The following CPNE3 variants were observed in gnomAD, a reference collection of about 807,000 sequenced individuals.
The protein encoded by CPNE3 is copine-3.
A neutral mutation model predicts 63.9 loss-of-function variants in CPNE3; 68 were observed. That is an observed-to-expected ratio of 1.06 (90% CI 0.87 to 1.30). The LOEUF (loss-of-function observed/expected upper bound fraction) is 1.30, where lower values mean the gene tolerates loss of function less well. Among genes scored for constraint, CPNE3 ranks in the 50% most tolerant of loss-of-function variants. The probability of loss-of-function intolerance (pLI) is 0.00; values close to 1 mark genes in which losing one functional copy is unlikely to be tolerated. For synonymous variants in CPNE3, 219 were observed against 197.5 expected, an observed-to-expected ratio of 1.11 and a Z score of -0.91; for missense variants, 665 against 578.1, an observed-to-expected ratio of 1.15 and a Z score of -1.54.
Position 86,528,766 on chromosome 8 carries a change from A to G in CPNE3, c.132+89A>G, listed in dbSNP as rs899929799. 4 of 1,458,056 alleles carry G rather than the reference A, an allele frequency of 2.7e-6. No homozygotes were observed. In the Admixed American group the frequency reaches 1.0e-4, roughly 37 times the overall value. 90.3% of individuals were successfully genotyped at this position (1,458,056 alleles called of 1,614,324 possible). A position where few individuals can be genotyped will look rare whatever the true frequency, so the allele number is the denominator to read the frequency against. On this transcript the variant is annotated intron_variant, in intron 3 of 16. Transcript: ENST00000517490. ...TTTTAATGTTAAAAATAACAACACTATCTCATCTGTTAATGGAGTTTTTTG... is the reference window on the plus strand; with the variant it reads ...TTTTAATGTTAAAAATAACAACACTGTCTCATCTGTTAATGGAGTTTTTTG...
At chr8:86,545,085 G>C in intron 9 of CPNE3, 1 of 257,076 alleles carries the variant, frequency 3.9e-6, no homozygotes, top group Non-Finnish European at 7.3e-6. Context: ...GGACAGCAAA[G>C]ATGATCACAG....
intron 6 of CPNE3, 73 bp downstream of exon 6, chr8:86,532,653 A>C: frequency 3.1e-6 from 4 of 1,293,902 alleles, no homozygotes; most frequent in Admixed American, 1.9e-5. Flanking sequence ...AAATGCAGTT[A>C]ATATCATGAA....
chr8:86,519,943 C>A (rs1820395461), intron 2 of CPNE3, among the ~76,000 whole-genome samples: 2 of 152,184 alleles, frequency 1.3e-5, no homozygotes, highest in African/African-American at 4.8e-5. Context: ...AACTACTGAC[C>A]TCAGACCATC....
chr8:86,524,137 G>A (rs979068358), intron 2 of CPNE3, among the ~76,000 whole-genome samples: 9 of 152,276 alleles, frequency 5.9e-5, no homozygotes, highest in South Asian at 2.1e-4. Context: ...ATGGGAAAGC[G>A]GCTGTATCTC....
intron 2 of CPNE3, among the ~76,000 whole-genome samples, chr8:86,516,593 T>G (rs1400787334): frequency 6.6e-6 from 1 of 152,190 alleles, no homozygotes; most frequent in African/African-American, 2.4e-5. Flanking sequence ...TCTTACTATG[T>G]TGCCCAGGCT....
intron 2 of CPNE3, among the ~76,000 whole-genome samples, chr8:86,526,300 A>G (rs1820538977): frequency 6.6e-6 from 1 of 152,064 alleles, no homozygotes; most frequent in Non-Finnish European, 1.5e-5. Flanking sequence ...ATCTGTTACT[A>G]TTAGTGCAAT....
At chr8:86,528,740 T>A in intron 3 of CPNE3, 63 bp downstream of exon 3, 1 of 1,525,132 alleles carries the variant, frequency 6.6e-7, no homozygotes, top group Non-Finnish European at 8.8e-7. Context: ...GTGAAGAGTT[T>A]TTTTAATGTT....
rs1821415578 is a variant in CPNE3, at chr8:86,560,510, C to G, written c.*2100C>G. ...ATGAGCATTCCTGGTTTTCTTCAGC[C>G]AAATAACAGGTAATCACTGTCAATT... is the stretch of plus-strand genomic sequence containing the variant. On this transcript the variant is annotated 3_prime_UTR_variant, in exon 17 of 17. Transcript: ENST00000517490. The G allele has an allele frequency of 6.6e-6, 1 of 152,064 alleles. No homozygotes were observed. Among genetic ancestry groups the G allele is most frequent in the African/African-American group, 2.4e-5 (1 of 41,382 alleles). 9.4% of individuals were successfully genotyped at this position (152,064 alleles called of 1,614,324 possible).
chr8:86,547,871 C>A, intron 11 of CPNE3, 101 bp downstream of exon 11: 1 of 705,492 alleles, frequency 1.4e-6, no homozygotes, highest in Non-Finnish European at 2.5e-6. Context: ...TTTTCACAAT[C>A]TGTTTAGCAT....
intron 8 of CPNE3, among the ~76,000 whole-genome samples, chr8:86,541,788 C>G (rs1378717520): frequency 6.6e-6 from 1 of 150,722 alleles, no homozygotes; most frequent in East Asian, 1.9e-4. Context: ...AAAAATCAAT[C>G]TAAGTATGAT....
intron 2 of CPNE3, among the ~76,000 whole-genome samples, chr8:86,516,720 T>A (rs540249259): frequency 2.6e-5 from 4 of 152,188 alleles, no homozygotes; most frequent in Non-Finnish European, 5.9e-5. Flanking sequence ...TTATCCATTG[T>A]TTCCTTTGCC....
At chr8:86,538,146 A>G (rs1237197961) in intron 7 of CPNE3, among the ~76,000 whole-genome samples, 3 of 152,174 alleles carry the variant, frequency 2.0e-5, no homozygotes, top group Non-Finnish European at 1.5e-5. Context: ...AAGCCAAGGC[A>G]GGTGGATCAC....
rs1821174899 is a variant in CPNE3 at position 86,551,377 on chromosome 8, T to C, written c.1120+143T>C. 5 of 661,728 alleles carry C rather than the reference T, an allele frequency of 7.6e-6. No individual in the cohort carries two copies. In the South Asian group the frequency reaches 9.8e-5, roughly 13 times the overall value. 41.0% of individuals were successfully genotyped at this position (661,728 alleles called of 1,614,324 possible). On this transcript the variant is annotated intron_variant, in intron 14 of 16. Transcript: ENST00000517490. ...GGTTTCATTTTCTTACATATTTAACTTTCTGTTGTATAAGGTAGAAGAATT... is the reference window on the plus strand; with the variant it reads ...GGTTTCATTTTCTTACATATTTAACCTTCTGTTGTATAAGGTAGAAGAATT...
intron 12 of CPNE3, among the ~76,000 whole-genome samples, chr8:86,549,216 C>G (rs921021059): frequency 2.2e-4 from 33 of 152,108 alleles, no homozygotes; most frequent in African/African-American, 7.9e-4. Flanking sequence ...AATTTTTAGG[C>G]AAATGCAAAG....
rs573550658 is a variant in CPNE3, at chr8:86,516,224, C to G, written c.-11+725C>G. Among the ~76,000 whole-genome samples, 6 of 152,256 alleles carry G rather than the reference C, an allele frequency of 3.9e-5. No homozygotes were observed. The East Asian group carries it at 1.2e-3, about 29-fold the overall frequency. On this transcript the variant is annotated intron_variant, in intron 2 of 16. Coordinates refer to ENST00000517490, the MANE Select transcript of CPNE3 (RefSeq NM_003909.5). ...ACCCCACAATGAAGTCTGCAGTTCT[C>G]TTTCAGGATTTCTTCTTTCAGGTCT...
In CPNE3 at chr8:86,528,824, T is replaced by C. The variant is rs1051691561; in HGVS notation, c.133-121T>C. The C allele has an allele frequency of 9.1e-6, 12 of 1,311,674 alleles. No homozygotes were observed. In the South Asian group the frequency reaches 1.8e-4, roughly 20 times the overall value. 81.3% of individuals were successfully genotyped at this position (1,311,674 alleles called of 1,614,324 possible). On this transcript the variant is annotated intron_variant, in intron 3 of 16. Coordinates refer to ENST00000517490, the MANE Select transcript of CPNE3 (RefSeq NM_003909.5). ...TTGTCCTTGATTGTAGAATTTTTCA[T>C]ACACATATAGAAACTTCCTTTAGTT...
intron 2 of CPNE3, among the ~76,000 whole-genome samples, chr8:86,523,142 A>T (rs1360043100): frequency 6.6e-6 from 1 of 152,228 alleles, no homozygotes; most frequent in Non-Finnish European, 1.5e-5. Flanking sequence ...TGTCTATTAT[A>T]TGCTGAGCAT....
intron 8 of CPNE3, among the ~76,000 whole-genome samples, chr8:86,543,429 A>G (rs558248015): frequency 6.6e-6 from 1 of 152,294 alleles, no homozygotes; most frequent in South Asian, 2.1e-4. Context: ...GAGGGGAAAA[A>G]TAGTCACTTT....
chr8:86,558,327 A>AT lies in CPNE3; in HGVS notation c.1533dup (p.Pro512SerfsTer63). 1.1e-6 allele frequency: 1 copy of AT among 872,972 alleles called. No individual in the cohort carries two copies. The highest frequency in any genetic ancestry group is 1.3e-5 in the South Asian group (1 of 76,546). The allele number at this position is 872,972 out of a possible 1,614,324, so 54.1% of individuals were successfully genotyped here. A position where few individuals can be genotyped will look rare whatever the true frequency, so the allele number is the denominator to read the frequency against. ...ACTTGCTCAGTGTGTCTTGGCAGAG[A>AT]TTCCCCAGCAGGTGGTGGGCTACTT... On this transcript the variant is annotated frameshift_variant, in exon 17 of 17. Transcript: ENST00000517490. LOFTEE classifies it high-confidence loss of function.
Sources: gnomAD v4.1 joint callset for allele counts (sites outside exome capture counted in the v4.1 genomes callset) on GRCh38, gnomAD v4.1.1 for gene constraint, MANE v1.5 for transcripts, NCBI Gene and HGNC (gene_info 2026-07-23, HGNC 2026-07-21) for gene names.